ZBBX: variants seen among roughly 807,000 people sequenced by gnomAD.
The protein encoded by ZBBX is zinc finger B-box domain-containing protein 1.
In ZBBX, 101 loss-of-function variants were observed where a neutral mutation model predicts 108.5. That is an observed-to-expected ratio of 0.93 (90% confidence interval 0.79 to 1.10). The LOEUF (loss-of-function observed/expected upper bound fraction) is 1.10, where lower values mean the gene tolerates loss of function less well. Ranked by LOEUF, ZBBX falls within the 50% of genes least tolerant of loss-of-function variation. The pLI, the probability that ZBBX is intolerant of heterozygous loss-of-function variation, is 0.00. For synonymous variants in ZBBX, 356 were observed against 323.4 expected, an observed-to-expected ratio of 1.10 and a Z score of -1.08; for missense variants, 1,009 against 941.4, an observed-to-expected ratio of 1.07 and a Z score of -0.94.
intron 1 of ZBBX, among the ~76,000 whole-genome samples, chr3:167,393,046 C>G (rs924837292): frequency 1.3e-5 from 2 of 151,620 alleles, no homozygotes; most frequent in Non-Finnish European, 3.0e-5. Flanking sequence ...TTTCAGAGAC[C>G]AAGATGTAAG....
intron 19 of ZBBX, among the ~76,000 whole-genome samples, chr3:167,286,280 G>A (rs1205463129): frequency 2.0e-5 from 3 of 152,130 alleles, no homozygotes; most frequent in Non-Finnish European, 4.4e-5. Flanking sequence ...GATGCAGTTA[G>A]GAGAGACGGG....
At chr3:167,307,507 G>T (rs1043974960) in intron 16 of ZBBX, among the ~76,000 whole-genome samples, 1 of 152,020 alleles carries the variant, frequency 6.6e-6, no homozygotes, top group Non-Finnish European at 1.5e-5. Flanking sequence ...AGCTCCAATA[G>T]CTAAGGCAAT....
In ZBBX at chr3:167,281,061, ACAT is replaced by A. The variant is rs764767919; in HGVS notation, c.2254+1174_2254+1176del. Among the ~76,000 whole-genome samples, 160 of 152,252 alleles carry A rather than the reference ACAT, an allele frequency of 1.1e-3. 1 individual carries two copies. Among genetic ancestry groups the A allele is most frequent in the Non-Finnish European group, 1.2e-3 (85 of 68,036 alleles). On this transcript the variant is annotated intron_variant, in intron 20 of 21. Transcript: ENST00000675490. ...TAGGTGGGAACTGAACAATGAGAAC[ACAT>A]GGACACAGGAAGGGGAACATCACAC...
intron 10 of ZBBX, among the ~76,000 whole-genome samples, chr3:167,332,314 C>T (rs536156949): frequency 1.3e-5 from 2 of 151,718 alleles, no homozygotes; most frequent in South Asian, 4.2e-4. Flanking sequence ...CACGTCTGAA[C>T]CCCACCCACG....
the ZBBX span, among the ~76,000 whole-genome samples, chr3:167,209,110 A>C: frequency 6.7e-6 from 1 of 149,486 alleles, no homozygotes; most frequent in African/African-American, 2.4e-5. Flanking sequence ...AATGGGAAGG[A>C]CTTTTTCTTT....
intron 1 of ZBBX, among the ~76,000 whole-genome samples, chr3:167,400,200 T>C (rs541365619): frequency 3.0e-4 from 46 of 152,254 alleles, no homozygotes; most frequent in African/African-American, 1.1e-3. Context: ...AAATGATTTG[T>C]TTTCCTTTGG....
At chr3:167,318,793 C>A (rs909675074) in intron 12 of ZBBX, among the ~76,000 whole-genome samples, 1 of 151,802 alleles carries the variant, frequency 6.6e-6, no homozygotes, top group South Asian at 2.1e-4. Flanking sequence ...AAAAAAATAG[C>A]CTGAAGAGCT....
At chr3:167,246,260 C>G (rs1721554574) in intron 20 of ZBBX, among the ~76,000 whole-genome samples, 1 of 152,162 alleles carries the variant, frequency 6.6e-6, no homozygotes, top group African/African-American at 2.4e-5. Context: ...TTCTGCAATT[C>G]AAAGACACAC....
At position 167,278,316 on chromosome 3, in the gene ZBBX, T is replaced by C. The variant is rs534086652; in HGVS notation, c.2254+3922A>G. On this transcript the variant is annotated intron_variant, in intron 20 of 21. Coordinates refer to ENST00000675490, the MANE Select transcript of ZBBX (RefSeq NM_001199201.2). Reference sequence around the variant, plus strand: ...AAAAATTAATGAATCCAGGAGCTGGTTTTTTGGAAGGATCAACAAAATTGA... The same window carrying C: ...AAAAATTAATGAATCCAGGAGCTGGCTTTTTGGAAGGATCAACAAAATTGA... Among the ~76,000 whole-genome samples, 5 of 150,600 alleles carry C rather than the reference T, an allele frequency of 3.3e-5. No individual in the cohort carries two copies. In the South Asian group the frequency reaches 1.1e-3, roughly 32 times the overall value.
rs749688612 is a variant in ZBBX, at chr3:167,328,052, C to G, written c.752G>C (p.Gly251Ala). Residue 251 changes from glycine to alanine, a missense_variant, in exon 11 of 22, where the codon GGG becomes GCG. Transcript: ENST00000675490. Reference protein sequence around the residue: ...TKPRKSLLCEGSFDEEASAQS... With the variant: ...TKPRKSLLCEASFDEEASAQS... ...TGCAGAAGCTTCTTCATCGAATGAC[C>G]CTTCACACAACAGACTCTTTCTTGG... 6.2e-6 allele frequency: 10 copies of G among 1,613,766 alleles called. No individual in the cohort carries two copies. The highest frequency in any genetic ancestry group is 8.5e-6 in the Non-Finnish European group (10 of 1,179,926).
intron 6 of ZBBX, among the ~76,000 whole-genome samples, chr3:167,362,199 G>A (rs1231253353): frequency 1.3e-5 from 2 of 152,022 alleles, no homozygotes; most frequent in Non-Finnish European, 2.9e-5. Flanking sequence ...TATACATATA[G>A]ATAGAAAGAT....
At chr3:167,305,429 A>T (rs1236858431) in intron 17 of ZBBX, among the ~76,000 whole-genome samples, 3 of 152,102 alleles carry the variant, frequency 2.0e-5, no homozygotes, top group African/African-American at 7.2e-5. Flanking sequence ...ACAGAAAGCC[A>T]TTTATTAAAA....
At chr3:167,206,133 A>G in the ZBBX span, among the ~76,000 whole-genome samples, 1 of 151,814 alleles carries the variant, frequency 6.6e-6, no homozygotes, top group African/African-American at 2.4e-5. Context: ...CCTTTGACCT[A>G]CTTCTCATTT....
At chr3:167,300,327 G>T (rs1269729568) in intron 17 of ZBBX, among the ~76,000 whole-genome samples, 2 of 151,636 alleles carry the variant, frequency 1.3e-5, no homozygotes, top group African/African-American at 4.9e-5. Context: ...TTTTATTACT[G>T]TCCAGGACTA....
chr3:167,227,129 C>A, the ZBBX span, among the ~76,000 whole-genome samples: 3 of 151,716 alleles, frequency 2.0e-5, no homozygotes, highest in Non-Finnish European at 4.4e-5. Context: ...TTATTATATT[C>A]TTTATACTCA....
chr3:167,281,055 G>C (rs1366239988), intron 20 of ZBBX, among the ~76,000 whole-genome samples: 1 of 152,100 alleles, frequency 6.6e-6, no homozygotes, highest in Non-Finnish European at 1.5e-5. Context: ...ACTGAACAAT[G>C]AGAACACATG....
At chr3:167,321,243 G>A (rs960887610) in intron 12 of ZBBX, among the ~76,000 whole-genome samples, 3 of 151,950 alleles carry the variant, frequency 2.0e-5, no homozygotes, top group African/African-American at 7.2e-5. Flanking sequence ...GGTGGTGCGG[G>A]TATTAACCTA....
chr3:167,180,664 T>C, the ZBBX span, among the ~76,000 whole-genome samples: 1 of 152,222 alleles, frequency 6.6e-6, no homozygotes, highest in Non-Finnish European at 1.5e-5. Context: ...TGTTGAACTG[T>C]TTAACTTGCC....
the ZBBX span, among the ~76,000 whole-genome samples, chr3:167,207,122 A>G: frequency 6.6e-6 from 1 of 152,222 alleles, no homozygotes; most frequent in Non-Finnish European, 1.5e-5. Flanking sequence ...AAAAACAGAC[A>G]TAAAGTAGGA....
Sources: allele counts gnomAD v4.1 joint callset (sites outside exome capture counted in the v4.1 genomes callset), GRCh38; gene constraint gnomAD v4.1.1; transcripts MANE v1.5; gene names NCBI Gene and HGNC (gene_info 2026-07-23, HGNC 2026-07-21).